The following ZNF362 variants were observed in gnomAD, a reference collection of about 807,000 sequenced individuals.
ZNF362 encodes the protein zinc finger protein 362.
Under a neutral mutation model 42.9 loss-of-function variants are expected in ZNF362, and 11 were observed. The observed-to-expected ratio is 0.26, with a 90% CI of 0.16 to 0.42. The LOEUF (loss-of-function observed/expected upper bound fraction) is 0.42. Among genes scored for constraint, ZNF362 ranks in the 20% least tolerant of loss-of-function variants. ZNF362 has a pLI of 1.00. For synonymous variants in ZNF362, 255 were observed against 257.3 expected (o/e 0.99, Z 0.09); for missense variants, 362 against 576.2 (o/e 0.63, Z 3.81).
At chr1:33,215,221 G>A in the ZNF362 span, among the ~76,000 whole-genome samples, 1 of 152,142 alleles carries the variant, frequency 6.6e-6, no homozygotes, top group Non-Finnish European at 1.5e-5. Context: ...AAGACATTAT[G>A]TAAGTGAAAT....
the ZNF362 span, among the ~76,000 whole-genome samples, chr1:33,129,124 C>G: frequency 6.6e-6 from 1 of 152,128 alleles, no homozygotes; most frequent in Non-Finnish European, 1.5e-5. This position sits in a 1 kb window ranked among gnomAD's most constrained non-coding sequence, Gnocchi z 4.1. Flanking sequence ...AGAGCCCTTT[C>G]TGGGAACCGG....
Position 33,258,509 on chromosome 1 carries a change from A to G in ZNF362, c.-89+1855A>G, listed in dbSNP as rs118172409. Among the ~76,000 whole-genome samples, 272 of 152,250 alleles carry G rather than the reference A, an allele frequency of 1.8e-3. 4 individuals carry two copies. In the East Asian group the frequency reaches 0.045, roughly 25 times the overall value. On this transcript the variant is annotated intron_variant, in intron 1 of 8. Transcript: ENST00000539719. ...TGTCTTGGCCAGAGGGTACCAAGCC[A>G]GGTGGTTTTTAGATGGAGGAACTGA...
the ZNF362 span, among the ~76,000 whole-genome samples, chr1:33,135,897 G>A: frequency 3.3e-5 from 5 of 151,950 alleles, no homozygotes; most frequent in African/African-American, 1.2e-4. Context: ...GGGAGTGAGG[G>A]AGTGAAGAGC....
At chr1:33,196,022 T>G in the ZNF362 span, 2 of 152,334 alleles carry the variant, frequency 1.3e-5, no homozygotes, top group East Asian at 3.8e-4. Flanking sequence ...CCTTATTCTA[T>G]AAGCCTTTTT....
the ZNF362 span, among the ~76,000 whole-genome samples, chr1:33,207,197 G>A: frequency 4.0e-5 from 6 of 151,530 alleles, no homozygotes; most frequent in Non-Finnish European, 5.9e-5. Context: ...GAGAACATGC[G>A]GTGTTTGGTT....
chr1:33,220,430 A>T, the ZNF362 span, among the ~76,000 whole-genome samples: 1 of 152,260 alleles, frequency 6.6e-6, no homozygotes, highest in Middle Eastern at 3.4e-3. Flanking sequence ...GCAGAAGCTC[A>T]GAGAGGTTAA....
At chr1:33,218,932 TACACACACACACACAC>T in the ZNF362 span, among the ~76,000 whole-genome samples, 8 of 121,000 alleles carry the variant, frequency 6.6e-5, no homozygotes, top group African/African-American at 1.5e-4. Flanking sequence ...GAGCTGGACA[TACACACACACACACAC>T]ACACACACAC....
chr1:33,139,907 G>C, the ZNF362 span, among the ~76,000 whole-genome samples: 7 of 152,272 alleles, frequency 4.6e-5, no homozygotes, highest in South Asian at 1.4e-3. Flanking sequence ...TCTGCTGCTT[G>C]TCAGGGTTTC....
At chr1:33,147,687 C>CT in the ZNF362 span, 2 of 1,613,390 alleles carry the variant, frequency 1.2e-6, no homozygotes, top group African/African-American at 2.7e-5. This position sits in a 1 kb window ranked among gnomAD's most constrained non-coding sequence, Gnocchi z 8.1. Context: ...GGATCAGGCG[C>CT]TGGTGGGCTG....
At chr1:33,255,633 C>G (rs567579103), upstream of ZNF362, among the ~76,000 whole-genome samples, 9 of 152,282 alleles carry the variant, frequency 5.9e-5, no homozygotes, top group African/African-American at 2.2e-4. Context: ...GGGGGACAGC[C>G]GGTGCCACCT....
the ZNF362 span, among the ~76,000 whole-genome samples, chr1:33,251,140 T>G: frequency 6.6e-6 from 1 of 152,144 alleles, no homozygotes; most frequent in South Asian, 2.1e-4. Flanking sequence ...TGGAGTGGAA[T>G]GAGGTGGGAT....
At chr1:33,290,091 TTTTTTTTA>T (rs1172222941) in intron 6 of ZNF362, among the ~76,000 whole-genome samples, 5 of 151,874 alleles carry the variant, frequency 3.3e-5, no homozygotes, top group African/African-American at 4.8e-5. Flanking sequence ...CTGGGTGGGT[TTTTTTTTA>T]TTTTTTTATT....
chr1:33,188,751 G>T, the ZNF362 span, among the ~76,000 whole-genome samples: 3 of 152,208 alleles, frequency 2.0e-5, no homozygotes, highest in African/African-American at 7.2e-5. Context: ...TGGCTTCTCA[G>T]TTATGGGTCT....
chr1:33,195,709 C>T, the ZNF362 span: 1 of 151,632 alleles, frequency 6.6e-6, no homozygotes, highest in Non-Finnish European at 1.5e-5. Flanking sequence ...AGGGCACTTA[C>T]CACAAGTGAA....
intron 6 of ZNF362, among the ~76,000 whole-genome samples, chr1:33,290,089 G>T (rs868425483): frequency 6.6e-6 from 1 of 151,606 alleles, no homozygotes; most frequent in Middle Eastern, 3.4e-3. Flanking sequence ...GGCTGGGTGG[G>T]TTTTTTTTTA....
intron 2 of ZNF362, chr1:33,275,224 A>G (rs2148092852): frequency 1.0e-6 from 1 of 985,456 alleles, no homozygotes; most frequent in Non-Finnish European, 1.2e-6. Context: ...GGTAGCAGGA[A>G]GACAAACCTT....
intron 8 of ZNF362, among the ~76,000 whole-genome samples, chr1:33,297,513 C>CTTTTTTTTTTTT (rs55931056): frequency 3.3e-5 from 4 of 121,068 alleles, no homozygotes; most frequent in African/African-American, 1.4e-4. Flanking sequence ...CATGATTCCT[C>CTTTTTTTTTTTT]TTTTTTTTTT....
chr1:33,232,025 G>A, the ZNF362 span, among the ~76,000 whole-genome samples: 1 of 152,104 alleles, frequency 6.6e-6, no homozygotes, highest in Admixed American at 6.5e-5. Flanking sequence ...CTTCCTGGCT[G>A]GAAAGGCCTG....
the ZNF362 span, among the ~76,000 whole-genome samples, chr1:33,186,270 G>A: frequency 7.9e-5 from 12 of 152,072 alleles, 1 homozygote; most frequent in South Asian, 1.9e-3. Flanking sequence ...GGTGCGAACC[G>A]TTCTCATTTT....
Sources: gnomAD v4.1 joint callset for allele counts (sites outside exome capture counted in the v4.1 genomes callset) on GRCh38, gnomAD v4.1.1 for gene constraint, Gnocchi (gnomAD v3.1) non-coding constraint, MANE v1.5 for transcripts, NCBI Gene and HGNC (gene_info 2026-07-23, HGNC 2026-07-21) for gene names.